The following LMNB1 variants were observed in gnomAD, a reference collection of about 807,000 sequenced individuals.
LMNB1 encodes lamin-B1.
A neutral mutation model predicts 67.1 loss-of-function variants in LMNB1; 23 were observed. The ratio of observed to expected loss-of-function variants is 0.34; its 90% confidence interval spans 0.25 to 0.49. The LOEUF is 0.49. Ranked by LOEUF, LMNB1 falls within the 20% of genes least tolerant of loss-of-function variation. LMNB1 has a pLI of 0.99. For synonymous variants in LMNB1, 281 were observed against 282.9 expected (o/e 0.99, Z 0.07); for missense variants, 634 against 746.5 (o/e 0.85, Z 1.76).
intron 5 of LMNB1, among the ~76,000 whole-genome samples, chr5:126,813,153 G>A (rs1751620415): frequency 1.3e-5 from 2 of 152,218 alleles, no homozygotes; most frequent in Admixed American, 1.3e-4. Context: ...CAGAAAATGA[G>A]TCCCATAAAA....
intron 1 of LMNB1, among the ~76,000 whole-genome samples, chr5:126,801,945 C>T (rs1203272930): frequency 2.0e-5 from 3 of 152,210 alleles, no homozygotes; most frequent in South Asian, 4.1e-4. Context: ...TGTCTTATGA[C>T]ATGTATCCTA....
intron 1 of LMNB1, among the ~76,000 whole-genome samples, chr5:126,788,047 G>C (rs1580527104): frequency 6.6e-6 from 1 of 152,122 alleles, no homozygotes; most frequent in Non-Finnish European, 1.5e-5. Context: ...ACTGAGGCAG[G>C]TGGAAGAAAG....
At chr5:126,776,797 C>T (rs1337497942), upstream of LMNB1, 3 of 152,220 alleles carry the variant, frequency 2.0e-5, no homozygotes, top group African/African-American at 4.8e-5. Flanking sequence ...CCCGGCCCCT[C>T]CAAGGGGTCC....
chr5:126,799,012 T>C (rs957188652), intron 1 of LMNB1, among the ~76,000 whole-genome samples: 8 of 149,312 alleles, frequency 5.4e-5, no homozygotes, highest in Non-Finnish European at 1.2e-4. Flanking sequence ...CACTTCATGA[T>C]GCATTGACTT....
At chr5:126,788,472 A>G (rs1163186966) in intron 1 of LMNB1, among the ~76,000 whole-genome samples, 2 of 152,274 alleles carry the variant, frequency 1.3e-5, no homozygotes, top group Non-Finnish European at 2.9e-5. Context: ...CCCCGTTTCT[A>G]CTAAAAATGC....
intron 1 of LMNB1, among the ~76,000 whole-genome samples, chr5:126,794,791 G>A (rs1233617304): frequency 6.6e-6 from 1 of 152,176 alleles, no homozygotes; most frequent in East Asian, 1.9e-4. Flanking sequence ...ATTTTGTATA[G>A]AATGATTTCT....
Position 126,805,554 on chromosome 5 carries a change from CT to C in LMNB1, c.517-12del. The C allele has an allele frequency of 6.4e-7, 1 of 1,564,066 alleles. No homozygotes were observed. The highest frequency in any genetic ancestry group is 8.8e-7 in the Non-Finnish European group (1 of 1,142,450). On this transcript the variant is annotated splice_polypyrimidine_tract_variant and intron_variant, in intron 2 of 10. Transcript: ENST00000261366. ...TTGCCATGTAATTTTTATCACAATT[CT>C]TTTTCCTTGTAATAGTTGGAAGCCT...
intron 1 of LMNB1, among the ~76,000 whole-genome samples, chr5:126,798,652 A>G (rs144027039): frequency 1.7e-4 from 26 of 152,276 alleles, no homozygotes; most frequent in African/African-American, 6.3e-4. Context: ...TGGAAGAGAC[A>G]TGATATTTTA....
intron 1 of LMNB1, among the ~76,000 whole-genome samples, chr5:126,782,832 G>A (rs1750665902): frequency 6.6e-6 from 1 of 152,108 alleles, no homozygotes; most frequent in Non-Finnish European, 1.5e-5. Flanking sequence ...ACAGGCGTGA[G>A]CCACTGTGCC....
intron 1 of LMNB1, among the ~76,000 whole-genome samples, chr5:126,800,982 A>ATATATATATATATAAT: frequency 5.4e-5 from 1 of 18,638 alleles, no homozygotes. Context: ...TATATATATA[A>ATATATATATATATAAT]TTTTTTTTTT....
intron 6 of LMNB1, 152 bp downstream of exon 6, chr5:126,819,294 T>A: frequency 1.8e-6 from 1 of 564,210 alleles, no homozygotes; most frequent in Non-Finnish European, 3.1e-6. Context: ...TAGATCATAT[T>A]TCTACCTCAT....
intron 8 of LMNB1, among the ~76,000 whole-genome samples, chr5:126,824,859 C>CCCCCCCCT (rs1751958756): frequency 8.8e-6 from 1 of 113,968 alleles, no homozygotes; most frequent in African/African-American, 3.2e-5. Flanking sequence ...CCCACCCTTT[C>CCCCCCCCT]TTTTTTTTGA....
chr5:126,815,716 G>A (rs1172342009), intron 5 of LMNB1, among the ~76,000 whole-genome samples: 3 of 152,258 alleles, frequency 2.0e-5, no homozygotes, highest in African/African-American at 7.2e-5. Context: ...TAGCCTCATA[G>A]GTAGTTTCAA....
chr5:126,813,110 G>A (rs1460431691), intron 5 of LMNB1, among the ~76,000 whole-genome samples: 1 of 152,070 alleles, frequency 6.6e-6, no homozygotes, highest in Non-Finnish European at 1.5e-5. Context: ...TTATAAAACT[G>A]ATGACCTCTG....
chr5:126,810,032 G>T, intron 3 of LMNB1, 148 bp from the exon 4 acceptor site: 2 of 559,712 alleles, frequency 3.6e-6, no homozygotes, highest in Non-Finnish European at 6.0e-6. Flanking sequence ...AAACTAAGAG[G>T]CAAAAAAGTG....
intron 1 of LMNB1, among the ~76,000 whole-genome samples, chr5:126,794,960 G>A (rs552068999): frequency 3.3e-5 from 5 of 152,150 alleles, no homozygotes; most frequent in South Asian, 2.1e-4. Flanking sequence ...ATAATTTGCC[G>A]TTACCAAATT....
At chr5:126,817,548 CTTGAATCTAG>C (rs1751742629) in intron 5 of LMNB1, among the ~76,000 whole-genome samples, 1 of 152,134 alleles carries the variant, frequency 6.6e-6, no homozygotes, top group African/African-American at 2.4e-5. Context: ...ATGTCTCTGA[CTTGAATCTAG>C]TAGGACAGCA....
intron 1 of LMNB1, among the ~76,000 whole-genome samples, chr5:126,803,444 C>G (rs1354984233): frequency 6.6e-6 from 1 of 151,788 alleles, no homozygotes; most frequent in African/African-American, 2.4e-5. Context: ...GACGGGGTTT[C>G]TCCATGTTGG....
chr5:126,779,403 T>C (rs991051799), intron 1 of LMNB1, among the ~76,000 whole-genome samples: 1 of 152,232 alleles, frequency 6.6e-6, no homozygotes, highest in Admixed American at 6.5e-5. Context: ...GTTTCATCTT[T>C]TAAAATGAGC....
Sources: allele counts gnomAD v4.1 joint callset (sites outside exome capture counted in the v4.1 genomes callset), GRCh38; gene constraint gnomAD v4.1.1; transcripts MANE v1.5; gene names NCBI Gene and HGNC (gene_info 2026-07-23, HGNC 2026-07-21).